The following SV2B variants were observed in gnomAD, a reference collection of about 807,000 sequenced individuals.
The protein encoded by SV2B is solute carrier family 22 member B2.
A neutral mutation model predicts 73.9 loss-of-function variants in SV2B; 41 were observed. The ratio of observed to expected loss-of-function variants is 0.56; its 90% CI spans 0.43 to 0.72. The LOEUF (loss-of-function observed/expected upper bound fraction) is 0.72, where lower values mean the gene tolerates loss of function less well. SV2B is among the 30% of genes least tolerant of loss of function. The pLI, the probability that SV2B is intolerant of heterozygous loss-of-function variation, is 0.00. For synonymous variants in SV2B, 314 were observed against 314.2 expected (o/e 1.00, Z 0.01); for missense variants, 764 against 857.8 (o/e 0.89, Z 1.37).
chr15:91,243,386 T>G (rs1318805138), intron 2 of SV2B, among the ~76,000 whole-genome samples: 1 of 152,208 alleles, frequency 6.6e-6, no homozygotes, highest in Non-Finnish European at 1.5e-5. Flanking sequence ...GCAAGGCAAT[T>G]TCAGGGTTCT....
intron 1 of SV2B, among the ~76,000 whole-genome samples, chr15:91,101,577 A>G (rs1336160410): frequency 6.6e-6 from 1 of 152,164 alleles, no homozygotes; most frequent in Non-Finnish European, 1.5e-5. Flanking sequence ...GTGTTGGAAA[A>G]GAGCAGTGAG....
At chr15:91,277,363 T>G (rs557278778) in intron 9 of SV2B, among the ~76,000 whole-genome samples, 1 of 152,286 alleles carries the variant, frequency 6.6e-6, no homozygotes, top group Non-Finnish European at 1.5e-5. Flanking sequence ...GTACAGTAAA[T>G]TTACCCCTTT....
rs1313009812 is a variant in SV2B, at chr15:91,267,291, T to A, written c.1120-264T>A. On this transcript the variant is annotated intron_variant, in intron 7 of 12. Transcript: ENST00000394232. This position sits in a 1 kb window ranked among gnomAD's most constrained non-coding sequence, Gnocchi z 4.3. ...TCAGTGCCTTGAAGTCCTAACTCAG[T>A]GTGCTTTCAATCACATTCATGGAAT... Among the ~76,000 whole-genome samples, 12 of 152,194 alleles carry A rather than the reference T, an allele frequency of 7.9e-5. No individual in the cohort carries two copies.
rs550600719 is a variant in SV2B, at chr15:91,114,300, G to A, written c.-392+13937G>A. ...GGACAGTCTAACACCTTAACCTTGA[G>A]GTGCTGGGAGGGTTAATCTATGAGT... On this transcript the variant is annotated intron_variant, in intron 1 of 12. Transcript: ENST00000394232. Among the ~76,000 whole-genome samples the A allele has an allele frequency of 5.3e-5, 8 of 152,228 alleles. No homozygotes were observed. The South Asian group carries it at 1.7e-3, about 32-fold the overall frequency.
At position 91,283,709 on chromosome 15, in the gene SV2B, C is replaced by T. The variant is rs1360451127; in HGVS notation, c.1508-312C>T. The stretch of plus-strand genomic sequence containing the variant: ...GCTCAAGTGATCCTCCTACCTCGGC[C>T]TCCTCAAGTGCTGGGATTACAGATG... On this transcript the variant is annotated intron_variant, in intron 10 of 12. Coordinates refer to ENST00000394232, the MANE Select transcript of SV2B (RefSeq NM_001323032.3). This position sits in a 1 kb window ranked among gnomAD's most constrained non-coding sequence, Gnocchi z 4.3. Among the ~76,000 whole-genome samples, 3 of 152,220 alleles carry T rather than the reference C, an allele frequency of 2.0e-5. No homozygotes were observed. Among genetic ancestry groups the T allele is most frequent in the Non-Finnish European group, 2.9e-5 (2 of 68,036 alleles).
chr15:91,217,184 A>G (rs527462153), intron 1 of SV2B, among the ~76,000 whole-genome samples: 1 of 152,282 alleles, frequency 6.6e-6, no homozygotes, highest in East Asian at 1.9e-4. Flanking sequence ...GCCCTGAATA[A>G]CTATTAACTG....
chr15:91,191,069 T>C (rs1319068921), intron 1 of SV2B, among the ~76,000 whole-genome samples: 2 of 131,842 alleles, frequency 1.5e-5, no homozygotes, highest in South Asian at 2.7e-4. Flanking sequence ...GTTTCTTTTT[T>C]TTTTTTTTTT....
rs773245122 is a variant in SV2B at position 91,226,407 on chromosome 15, C to T, written c.144C>T (p.Gly48=). 8.7e-6 allele frequency: 14 copies of T among 1,614,018 alleles called. No individual in the cohort carries two copies. The highest frequency in any genetic ancestry group is 1.7e-5 in the Admixed American group (1 of 60,004). ...GHDEEDEIYE[G]EYQGIPHPDD... is the part of the protein sequence containing the mutation. ...ATGAGGAAGACGAGATCTATGAGGG[C>T]GAGTACCAGGGTATCCCTCACCCAG... The change falls in exon 2 of 13, where the codon GGC becomes GGT. Residue 48 remains glycine, a synonymous_variant. Transcript: ENST00000394232.
At chr15:91,150,459 A>T (rs903232551) in intron 1 of SV2B, among the ~76,000 whole-genome samples, 5 of 152,320 alleles carry the variant, frequency 3.3e-5, no homozygotes, top group African/African-American at 1.2e-4. Flanking sequence ...ACTTTCAGGT[A>T]GCTGCTAATA....
chr15:91,167,383 T>G (rs2043953794), intron 1 of SV2B, among the ~76,000 whole-genome samples: 1 of 152,228 alleles, frequency 6.6e-6, no homozygotes, highest in Non-Finnish European at 1.5e-5. Flanking sequence ...AAGGCAAATT[T>G]ATTCTTATAA....
At chr15:91,249,686 A>G (rs1488445399) in intron 2 of SV2B, among the ~76,000 whole-genome samples, 1 of 152,246 alleles carries the variant, frequency 6.6e-6, no homozygotes, top group Non-Finnish European at 1.5e-5. Flanking sequence ...AGAAGGCATT[A>G]CAACTGATAC....
intron 2 of SV2B, among the ~76,000 whole-genome samples, chr15:91,243,252 G>A (rs1438685781): frequency 6.6e-6 from 1 of 152,172 alleles, no homozygotes; most frequent in African/African-American, 2.4e-5. Context: ...GCTATCAGAG[G>A]TGTCATACCT....
chr15:91,273,580 G>A (rs1292993780), intron 9 of SV2B, among the ~76,000 whole-genome samples: 5 of 152,134 alleles, frequency 3.3e-5, no homozygotes, highest in Admixed American at 1.3e-4. Context: ...TGAGCTCTCT[G>A]ATAGTTCTGT....
Position 91,253,016 on chromosome 15 carries a change from C to G in SV2B, c.784+496C>G, listed in dbSNP as rs146667773. On this transcript the variant is annotated intron_variant, in intron 4 of 12. Coordinates refer to ENST00000394232, the MANE Select transcript of SV2B (RefSeq NM_001323032.3). This position sits in a 1 kb window ranked among gnomAD's most constrained non-coding sequence, Gnocchi z 5.0. ...GGCTTGTACTCTTTCTGCCCTGGTGCCTGCTGTCACTCTTGTTTGGCCGTG... is the reference window on the plus strand; with the variant it reads ...GGCTTGTACTCTTTCTGCCCTGGTGGCTGCTGTCACTCTTGTTTGGCCGTG... Among the ~76,000 whole-genome samples, 1 of 152,166 alleles carries G rather than the reference C, an allele frequency of 6.6e-6. No individual in the cohort carries two copies. The highest frequency in any genetic ancestry group is 2.4e-5 in the African/African-American group (1 of 41,436).
At chr15:91,273,994 GT>G (rs2048402289) in intron 9 of SV2B, among the ~76,000 whole-genome samples, 1 of 152,064 alleles carries the variant, frequency 6.6e-6, no homozygotes, top group Non-Finnish European at 1.5e-5. Flanking sequence ...TATGCAACTT[GT>G]TTTTTGTGTA....
Position 91,100,969 on chromosome 15 carries a change from G to C in SV2B, c.-392+606G>C, listed in dbSNP as rs549870703. The stretch of plus-strand genomic sequence containing the variant: ...ATGGGCTAGCAAATGCGTTTAGCCA[G>C]GGAGGAGCAAGGCACCGCTGTGTCT... On this transcript the variant is annotated intron_variant, in intron 1 of 12. Transcript: ENST00000394232. This position sits in a 1 kb window ranked among gnomAD's most constrained non-coding sequence, Gnocchi z 6.4. Among the ~76,000 whole-genome samples the C allele has an allele frequency of 3.0e-4, 46 of 152,244 alleles. No homozygotes were observed. Among genetic ancestry groups the C allele is most frequent in the Non-Finnish European group, 4.6e-4 (31 of 68,040 alleles).
At chr15:91,200,528 C>G (rs2045421789) in intron 1 of SV2B, among the ~76,000 whole-genome samples, 1 of 152,098 alleles carries the variant, frequency 6.6e-6, no homozygotes, top group Admixed American at 6.5e-5. Flanking sequence ...TGGTTGTGGT[C>G]AGTGGTAGCA....
intron 1 of SV2B, among the ~76,000 whole-genome samples, chr15:91,206,616 C>T (rs2045649447): frequency 6.6e-6 from 1 of 152,084 alleles, no homozygotes; most frequent in Admixed American, 6.5e-5. Flanking sequence ...GCAATGCCTG[C>T]TTGGAAGCTA....
chr15:91,262,338 A>G (rs901751165), intron 6 of SV2B, among the ~76,000 whole-genome samples: 2 of 152,262 alleles, frequency 1.3e-5, no homozygotes, highest in African/African-American at 4.8e-5. Context: ...TTAAATTATT[A>G]TGACATTTTT....
Sources: allele counts gnomAD v4.1 joint callset (sites outside exome capture counted in the v4.1 genomes callset), GRCh38; gene constraint gnomAD v4.1.1; non-coding constraint Gnocchi (gnomAD v3.1); transcripts MANE v1.5; gene names NCBI Gene and HGNC (gene_info 2026-07-23, HGNC 2026-07-21).